EFCC1: variants seen among roughly 807,000 people sequenced by gnomAD.
EFCC1 encodes the protein EF-hand and coiled-coil domain containing 1.
EFCC1 carries 50 observed loss-of-function variants against 52.1 expected under a neutral mutation model. The observed-to-expected ratio is 0.96, with a 90% confidence interval of 0.76 to 1.21. The LOEUF (loss-of-function observed/expected upper bound fraction) is 1.21, where lower values mean the gene tolerates loss of function less well. Among genes scored for constraint, EFCC1 ranks in the 50% most tolerant of loss-of-function variants. EFCC1 has a pLI of 0.00. For synonymous variants in EFCC1, 399 were observed against 396.5 expected, an observed-to-expected ratio of 1.01 and a Z score of -0.08; for missense variants, 837 against 867.3, an observed-to-expected ratio of 0.97 and a Z score of 0.44.
intron 2 of EFCC1, among the ~76,000 whole-genome samples, chr3:129,028,039 T>C (rs1007851669): frequency 2.0e-5 from 3 of 151,950 alleles, no homozygotes; most frequent in African/African-American, 7.3e-5. Context: ...TGAGTTGTCA[T>C]ACTATTTAAT....
rs1946405553 is a variant in EFCC1, at chr3:129,040,134, CTG to C, written c.*288_*289del. On this transcript the variant is annotated 3_prime_UTR_variant, in exon 8 of 8. Coordinates refer to ENST00000683648, the MANE Select transcript of EFCC1 (RefSeq NM_001377500.1). The surrounding 1 kb of genome is among the most constrained non-coding windows in gnomAD (Gnocchi z 4.4). The stretch of plus-strand genomic sequence containing the variant: ...TTGCTGGATCAGCCTGCACCTGATG[CTG>C]TATCTTTCCCCTGCCCTCAGGGCAG... 3 of 381,006 alleles carry C rather than the reference CTG, an allele frequency of 7.9e-6. No individual in the cohort carries two copies. The highest frequency in any genetic ancestry group is 2.1e-5 in the African/African-American group (1 of 48,166). The allele number at this position is 381,006 out of a possible 1,614,324, so 23.6% of individuals were successfully genotyped here.
At position 129,004,086 on chromosome 3, in the gene EFCC1, G is replaced by A; in HGVS notation, c.980+9G>A. 6.7e-7 allele frequency: 1 copy of A among 1,487,108 alleles called. No individual in the cohort carries two copies. The highest frequency in any genetic ancestry group is 2.3e-5 in the Admixed American group (1 of 44,306). 92.1% of individuals were successfully genotyped at this position (1,487,108 alleles called of 1,614,324 possible). A position where few individuals can be genotyped will look rare whatever the true frequency, so the allele number is the denominator to read the frequency against. ...GAGCTGCAACGCTACAGGTGAGCGG[G>A]GGCGCGTGCCCTGGGCCCAAGTTCC... is the stretch of plus-strand genomic sequence containing the variant. On this transcript the variant is annotated intron_variant, in intron 2 of 7. Coordinates refer to ENST00000683648, the MANE Select transcript of EFCC1 (RefSeq NM_001377500.1).
chr3:129,007,491 G>C (rs1335922832), intron 2 of EFCC1, among the ~76,000 whole-genome samples: 4 of 152,304 alleles, frequency 2.6e-5, no homozygotes, highest in African/African-American at 9.6e-5. Context: ...GAGAATGACA[G>C]CTTGAAGCCA....
intron 4 of EFCC1, 97 bp downstream of exon 4, chr3:129,033,063 G>A: frequency 7.1e-7 from 1 of 1,414,528 alleles, no homozygotes; most frequent in Non-Finnish European, 9.3e-7. Flanking sequence ...GCCTGGCTCA[G>A]CCACCTCCCA....
chr3:129,039,602 G>T (rs904796004), intron 7 of EFCC1, 110 bp from the exon 8 acceptor site: 14 of 1,478,422 alleles, frequency 9.5e-6, no homozygotes, highest in Non-Finnish European at 1.3e-5. Context: ...CAGGGCTGGG[G>T]AGGGGCACAG....
At chr3:129,020,715 G>A (rs1241672866) in intron 2 of EFCC1, among the ~76,000 whole-genome samples, 4 of 152,192 alleles carry the variant, frequency 2.6e-5, no homozygotes, top group Middle Eastern at 3.2e-3. Flanking sequence ...TATTGGAGTG[G>A]CTGGCCCAGG....
intron 2 of EFCC1, among the ~76,000 whole-genome samples, chr3:129,005,201 C>T (rs78595562): frequency 6.6e-6 from 1 of 152,182 alleles, no homozygotes; most frequent in African/African-American, 2.4e-5. Context: ...GCAGGTGAGA[C>T]CTTCACAGGA....
chr3:129,019,146 A>C (rs116651073), intron 2 of EFCC1, among the ~76,000 whole-genome samples: 7 of 152,322 alleles, frequency 4.6e-5, no homozygotes, highest in African/African-American at 1.7e-4. Flanking sequence ...CTTTGATGTA[A>C]TCAGGTTCAC....
intron 5 of EFCC1, 31 bp downstream of exon 5, chr3:129,034,360 G>A (rs372620944): frequency 6.2e-7 from 1 of 1,610,240 alleles, no homozygotes; most frequent in African/African-American, 1.3e-5. Context: ...AAAGGCTGGA[G>A]CAATTCTAGA....
At position 129,038,933 on chromosome 3, in the gene EFCC1, G is replaced by A. The variant is rs1022636964; in HGVS notation, c.1663+33G>A. The A allele has an allele frequency of 3.1e-6, 5 of 1,595,056 alleles. No individual in the cohort carries two copies. In the East Asian group the frequency reaches 6.7e-5, roughly 21 times the overall value. On this transcript the variant is annotated intron_variant, in intron 7 of 7. Transcript: ENST00000683648. Reference sequence around the variant, plus strand: ...AGCACCCTAGTCTCTCAGAGCCCACGCAGTGGCTGGAGGGTGTCCTGAGGA... The same window carrying A: ...AGCACCCTAGTCTCTCAGAGCCCACACAGTGGCTGGAGGGTGTCCTGAGGA...
intron 2 of EFCC1, among the ~76,000 whole-genome samples, chr3:129,011,846 A>G (rs1360593640): frequency 1.3e-5 from 2 of 152,174 alleles, no homozygotes; most frequent in Non-Finnish European, 1.5e-5. Context: ...CACCCCTCCC[A>G]GAGAGAGGGG....
intron 2 of EFCC1, among the ~76,000 whole-genome samples, chr3:129,020,160 A>G (rs188341212): frequency 1.6e-4 from 24 of 152,326 alleles, no homozygotes; most frequent in African/African-American, 5.5e-4. Flanking sequence ...GCAGAAATTT[A>G]TGCATTTATT....
Position 129,022,028 on chromosome 3 carries a change from C to T in EFCC1, c.981-8675C>T, listed in dbSNP as rs150193947. 4.1e-3 allele frequency among the ~76,000 whole-genome samples: 629 copies of T among 152,288 alleles called. 3 individuals are homozygous for T. Among genetic ancestry groups the T allele is most frequent in the African/African-American group, 0.014 (602 of 41,560 alleles). On this transcript the variant is annotated intron_variant, in intron 2 of 7. Coordinates refer to ENST00000683648, the MANE Select transcript of EFCC1 (RefSeq NM_001377500.1). The stretch of plus-strand genomic sequence containing the variant: ...GAGGGGCAGAGGTGGCCGGGGCAGG[C>T]GCAGAGCTCTGCTCTCACAGCACCC...
intron 2 of EFCC1, among the ~76,000 whole-genome samples, chr3:129,008,982 A>G (rs935537556): frequency 7.6e-5 from 10 of 132,010 alleles, no homozygotes; most frequent in Non-Finnish European, 1.3e-4. Flanking sequence ...ATTTTTATGC[A>G]TAGTAGACAT....
intron 3 of EFCC1, among the ~76,000 whole-genome samples, chr3:129,031,152 G>A (rs1034843301): frequency 2.0e-5 from 3 of 152,244 alleles, no homozygotes; most frequent in African/African-American, 7.2e-5. Flanking sequence ...GATGCAGGCT[G>A]GATGTGGTAG....
In EFCC1 at chr3:129,001,925, A is replaced by C. The variant is rs779914968; in HGVS notation, c.297A>C (p.Ala99=). 110 of 1,539,892 alleles carry C rather than the reference A, an allele frequency of 7.1e-5. No homozygotes were observed. The highest frequency in any genetic ancestry group is 9.5e-5 in the Non-Finnish European group (109 of 1,141,696). ...RAEGATTAGQ[A]AGDGNSRDVT... Reference sequence around the variant, plus strand: ...AGGGGGCCACCACGGCCGGGCAGGCAGCAGGTGACGGGAACTCCAGAGATG... The same window carrying C: ...AGGGGGCCACCACGGCCGGGCAGGCCGCAGGTGACGGGAACTCCAGAGATG... Residue 99 remains alanine, a synonymous_variant, in exon 1 of 8, where the codon GCA becomes GCC. Coordinates refer to ENST00000683648, the MANE Select transcript of EFCC1 (RefSeq NM_001377500.1).
In EFCC1 at chr3:129,002,006, T is replaced by C. The variant is rs1944793925; in HGVS notation, c.378T>C (p.Asp126=). ...CCACGGACGGGGACTCAGATACCGA[T>C]GAAGAGGCGCGCCTGGCGCTGCGCG... ...ELATDGDSDT[D]EEARLALRAE... The change falls in exon 1 of 8, where the codon GAT becomes GAC. Residue 126 remains aspartate (D), a synonymous_variant. Coordinates refer to ENST00000683648, the MANE Select transcript of EFCC1 (RefSeq NM_001377500.1). 3.2e-6 allele frequency: 5 copies of C among 1,545,722 alleles called. No individual in the cohort carries two copies. The highest frequency in any genetic ancestry group is 4.4e-6 in the Non-Finnish European group (5 of 1,145,146).
intron 2 of EFCC1, among the ~76,000 whole-genome samples, chr3:129,023,454 G>A (rs185029934): frequency 2.0e-3 from 307 of 152,050 alleles, no homozygotes; most frequent in African/African-American, 7.1e-3. Context: ...TCAGCCTCCC[G>A]AGTAGCTGGG....
chr3:129,038,861 T>C lies in EFCC1; in HGVS notation c.1624T>C (p.Leu542=), dbSNP rs528755361. ...ATCGAAAAGAGCCCTGGGGAAGATT[T>C]TGCTGAGCACGCTGGACGCTTTCAG... ...NISKRALGKI[L]LSTLDAFRDP... Residue 542 remains leucine (L), a synonymous_variant, in exon 7 of 8, where the codon TTG becomes CTG. Transcript: ENST00000683648. The C allele has an allele frequency of 1.4e-5, 23 of 1,613,982 alleles. No homozygotes were observed. In the South Asian group the frequency reaches 2.4e-4, roughly 17 times the overall value.
Sources: allele counts gnomAD v4.1 joint callset (sites outside exome capture counted in the v4.1 genomes callset), GRCh38; gene constraint gnomAD v4.1.1; non-coding constraint Gnocchi (gnomAD v3.1); transcripts MANE v1.5; gene names NCBI Gene and HGNC (gene_info 2026-07-23, HGNC 2026-07-21).